DGKB: variants seen among roughly 807,000 people sequenced by gnomAD.
DGKB encodes diacylglycerol kinase beta, also known as 90 kDa diacylglycerol kinase.
DGKB carries 67 observed loss-of-function variants against 114.3 expected under a neutral mutation model. The ratio of observed to expected loss-of-function variants is 0.59; its 90% CI spans 0.48 to 0.72. The LOEUF (loss-of-function observed/expected upper bound fraction) is 0.72, where lower values mean the gene tolerates loss of function less well. Among genes scored for constraint, DGKB ranks in the 30% least tolerant of loss-of-function variants. The pLI is 0.00. For synonymous variants in DGKB, 398 were observed against 323.1 expected, an observed-to-expected ratio of 1.23 and a Z score of -2.49; for missense variants, 907 against 975.2, an observed-to-expected ratio of 0.93 and a Z score of 0.93.
At chr7:14,777,920 G>A (rs548390048) in intron 2 of DGKB, among the ~76,000 whole-genome samples, 2 of 152,276 alleles carry the variant, frequency 1.3e-5, no homozygotes, top group African/African-American at 2.4e-5. Context: ...TTAGAGGGAA[G>A]TGTTGGCTCT....
At chr7:14,962,106 A>G (rs1470305654) in intron 1 of DGKB, among the ~76,000 whole-genome samples, 2 of 152,168 alleles carry the variant, frequency 1.3e-5, no homozygotes, top group African/African-American at 4.8e-5. Context: ...TTTGAATAGT[A>G]TGTGACACAA....
chr7:14,250,936 G>A (rs1362348195), intron 23 of DGKB, among the ~76,000 whole-genome samples: 1 of 152,106 alleles, frequency 6.6e-6, no homozygotes, highest in Non-Finnish European at 1.5e-5. Flanking sequence ...TTCATCTTAT[G>A]TAAGCAGAGC....
At chr7:14,703,493 G>C (rs1192302338) in intron 6 of DGKB, among the ~76,000 whole-genome samples, 1 of 152,114 alleles carries the variant, frequency 6.6e-6, no homozygotes, top group African/African-American at 2.4e-5. Flanking sequence ...GAAAACTCTA[G>C]ATACCTTTTC....
intron 13 of DGKB, among the ~76,000 whole-genome samples, chr7:14,635,318 T>A (rs1032453966): frequency 9.2e-5 from 8 of 86,940 alleles, no homozygotes; most frequent in South Asian, 3.9e-4. Flanking sequence ...AACAGAATTT[T>A]AAAAAATAAA....
intron 5 of DGKB, among the ~76,000 whole-genome samples, chr7:14,726,328 C>T (rs892036359): frequency 1.1e-4 from 16 of 151,972 alleles, no homozygotes; most frequent in Non-Finnish European, 1.5e-4. Context: ...TTAGTAGAGA[C>T]GGGGTTTTTT....
At chr7:14,320,382 C>A (rs575075055) in intron 23 of DGKB, among the ~76,000 whole-genome samples, 1 of 152,224 alleles carries the variant, frequency 6.6e-6, no homozygotes, top group Non-Finnish European at 1.5e-5. Context: ...GTCCAAGTAG[C>A]ACGTCCAGAG....
At chr7:14,609,367 C>A (rs1256670726) in intron 16 of DGKB, among the ~76,000 whole-genome samples, 1 of 152,072 alleles carries the variant, frequency 6.6e-6, no homozygotes, top group Non-Finnish European at 1.5e-5. Flanking sequence ...GGACTCTTTT[C>A]TTTCACCACA....
intron 8 of DGKB, among the ~76,000 whole-genome samples, chr7:14,697,024 T>C (rs557864086): frequency 1.3e-5 from 2 of 152,336 alleles, no homozygotes; most frequent in Non-Finnish European, 2.9e-5. Context: ...TTTATTCATA[T>C]ACACTTTGCT....
chr7:14,328,859 G>C (rs1809218579), intron 23 of DGKB, among the ~76,000 whole-genome samples: 1 of 151,886 alleles, frequency 6.6e-6, no homozygotes, highest in Non-Finnish European at 1.5e-5. Flanking sequence ...ATTAATATCT[G>C]ATACTGTACA....
At chr7:14,848,517 A>C (rs1386386407) in intron 1 of DGKB, among the ~76,000 whole-genome samples, 1 of 152,346 alleles carries the variant, frequency 6.6e-6, no homozygotes, top group Non-Finnish European at 1.5e-5. Context: ...TAATATTATC[A>C]GTTTTCTATA....
chr7:14,441,285 G>A (rs1336254238), intron 21 of DGKB, among the ~76,000 whole-genome samples: 1 of 152,126 alleles, frequency 6.6e-6, no homozygotes, highest in Non-Finnish European at 1.5e-5. Context: ...GGGATTACAG[G>A]CATGAGCCAC....
At chr7:14,638,167 G>A (rs557659769) in intron 13 of DGKB, among the ~76,000 whole-genome samples, 43 of 152,044 alleles carry the variant, frequency 2.8e-4, no homozygotes, top group African/African-American at 1.0e-3. Flanking sequence ...TTTTACATGT[G>A]AGGCATTTTA....
At chr7:14,606,229 G>A (rs73289529) in intron 17 of DGKB, among the ~76,000 whole-genome samples, 239 of 152,134 alleles carry the variant, frequency 1.6e-3, no homozygotes, top group African/African-American at 5.5e-3. Context: ...CTTCCTGCAT[G>A]TAGCTAGCTC....
intron 1 of DGKB, among the ~76,000 whole-genome samples, chr7:14,855,656 T>C (rs959346461): frequency 2.0e-5 from 3 of 152,172 alleles, no homozygotes; most frequent in East Asian, 1.9e-4. Context: ...TCTCAGTTAT[T>C]GCTTTACTTA....
intron 20 of DGKB, among the ~76,000 whole-genome samples, chr7:14,532,805 C>A (rs1174690080): frequency 6.6e-6 from 1 of 151,612 alleles, no homozygotes; most frequent in African/African-American, 2.4e-5. Context: ...AACACCCCAC[C>A]TACCAACAGG....
chr7:14,905,224 A>T (rs1012672551), upstream of DGKB, among the ~76,000 whole-genome samples: 35 of 143,844 alleles, frequency 2.4e-4, no homozygotes, highest in Admixed American at 1.3e-3. Context: ...GGTAATGAGT[A>T]TTTAACATCC....
At chr7:14,745,179 T>C (rs1453612006) in intron 4 of DGKB, among the ~76,000 whole-genome samples, 2 of 152,200 alleles carry the variant, frequency 1.3e-5, no homozygotes, top group African/African-American at 4.8e-5. Flanking sequence ...TGTTTGGTTT[T>C]AATATATGTC....
chr7:14,609,468 C>A (rs968409236), intron 16 of DGKB, among the ~76,000 whole-genome samples: 1 of 151,934 alleles, frequency 6.6e-6, no homozygotes, highest in Non-Finnish European at 1.5e-5. Flanking sequence ...CCCCACGTGA[C>A]AATGGCTTTG....
chr7:14,742,970 G>A (rs902163572), intron 4 of DGKB, among the ~76,000 whole-genome samples: 7 of 152,180 alleles, frequency 4.6e-5, no homozygotes, highest in African/African-American at 1.2e-4. Flanking sequence ...AAGAAATCCT[G>A]TGTATGAACA....
Sources: gnomAD v4.1 joint callset for allele counts (sites outside exome capture counted in the v4.1 genomes callset) on GRCh38, gnomAD v4.1.1 for gene constraint, MANE v1.5 for transcripts, NCBI Gene and HGNC (gene_info 2026-07-23, HGNC 2026-07-21) for gene names.